Variants in SLC9A9 observed in about 807,000 individuals in gnomAD.
The protein encoded by SLC9A9 is sodium/hydrogen exchanger 9.
A neutral mutation model predicts 77.8 loss-of-function variants in SLC9A9; 62 were observed. That is an observed-to-expected ratio of 0.80 (90% CI 0.65 to 0.98). SLC9A9 has a LOEUF of 0.98. Ranked by LOEUF, SLC9A9 falls within the 50% of genes least tolerant of loss-of-function variation. SLC9A9 has a pLI of 0.00. For synonymous variants in SLC9A9, 320 were observed against 283.5 expected, an observed-to-expected ratio of 1.13 and a Z score of -1.29; for missense variants, 775 against 774.9, an observed-to-expected ratio of 1.00 and a Z score of 0.00.
rs1937727349 is a variant in SLC9A9 at position 143,266,600 on chromosome 3, A to G, written c.*102T>C. 1.7e-6 allele frequency: 2 copies of G among 1,162,386 alleles called. No homozygotes were observed. The highest frequency in any genetic ancestry group is 3.9e-5 in the Admixed American group (2 of 51,760). 72.0% of individuals were successfully genotyped at this position (1,162,386 alleles called of 1,614,324 possible). On this transcript the variant is annotated 3_prime_UTR_variant, in exon 16 of 16. Coordinates refer to ENST00000316549, the MANE Select transcript of SLC9A9 (RefSeq NM_173653.4). ...TGATTCTCTCCAATTTATGCTCTTA[A>G]TATGTTTTCCAGCCTCTCCCCTGTA...
intron 12 of SLC9A9, among the ~76,000 whole-genome samples, chr3:143,466,165 G>T (rs531387285): frequency 6.6e-6 from 1 of 152,274 alleles, no homozygotes; most frequent in Non-Finnish European, 1.5e-5. Context: ...CTAGTCAGAT[G>T]GATCTTTACG....
At chr3:143,509,206 G>C (rs981609393) in intron 9 of SLC9A9, among the ~76,000 whole-genome samples, 1 of 152,060 alleles carries the variant, frequency 6.6e-6, no homozygotes, top group Non-Finnish European at 1.5e-5. Context: ...CAATGAAAAT[G>C]AAAGACAAAA....
intron 14 of SLC9A9, among the ~76,000 whole-genome samples, chr3:143,287,409 C>A (rs1007284290): frequency 6.6e-6 from 1 of 152,016 alleles, no homozygotes; most frequent in African/African-American, 2.4e-5. Context: ...AAAAAAACAA[C>A]AACCAAATTC....
chr3:143,567,304 G>T (rs548652669), intron 8 of SLC9A9, among the ~76,000 whole-genome samples: 3 of 152,130 alleles, frequency 2.0e-5, no homozygotes, highest in African/African-American at 7.2e-5. Context: ...AGATCCAGAA[G>T]CCAGAGACAC....
intron 14 of SLC9A9, among the ~76,000 whole-genome samples, chr3:143,298,535 T>C (rs1334736184): frequency 1.3e-5 from 2 of 152,242 alleles, no homozygotes; most frequent in Non-Finnish European, 1.5e-5. Flanking sequence ...GGCTGCTCAG[T>C]AGGGCATTGG....
chr3:143,688,273 A>G lies in SLC9A9; in HGVS notation c.649+4919T>C, dbSNP rs546627788. Among the ~76,000 whole-genome samples the G allele has an allele frequency of 2.6e-5, 4 of 151,578 alleles. No individual in the cohort carries two copies. The South Asian group carries it at 8.4e-4, about 32-fold the overall frequency. On this transcript the variant is annotated intron_variant, in intron 5 of 15. Coordinates refer to ENST00000316549, the MANE Select transcript of SLC9A9 (RefSeq NM_173653.4). ...GTCTGGATTTTTTTTTTCCATTTTA[A>G]TTGGTTTTCCTGTGTTATCTAAACA...
chr3:143,779,145 C>G (rs1264926186), intron 4 of SLC9A9, among the ~76,000 whole-genome samples: 1 of 152,100 alleles, frequency 6.6e-6, no homozygotes, highest in Non-Finnish European at 1.5e-5. Context: ...ATATATTATA[C>G]TGTTATTATT....
At chr3:143,694,831 C>T (rs556337192) in intron 4 of SLC9A9, among the ~76,000 whole-genome samples, 4 of 152,276 alleles carry the variant, frequency 2.6e-5, no homozygotes, top group African/African-American at 9.6e-5. Flanking sequence ...GTCCAAAAGA[C>T]AGCAATGAAG....
At chr3:143,410,821 A>G (rs1002264043) in intron 12 of SLC9A9, among the ~76,000 whole-genome samples, 5 of 152,104 alleles carry the variant, frequency 3.3e-5, no homozygotes, top group African/African-American at 1.2e-4. Flanking sequence ...TGTCCTATAC[A>G]CTTTGGTATG....
chr3:143,688,065 C>T (rs934321949), intron 5 of SLC9A9, among the ~76,000 whole-genome samples: 6 of 151,120 alleles, frequency 4.0e-5, no homozygotes, highest in Non-Finnish European at 8.9e-5. Context: ...TTCTTCCCTC[C>T]CTCCCTTCTT....
chr3:143,559,762 T>C (rs1400229496), intron 8 of SLC9A9, among the ~76,000 whole-genome samples: 1 of 152,224 alleles, frequency 6.6e-6, no homozygotes, highest in Non-Finnish European at 1.5e-5. Flanking sequence ...ACTTAGTTTT[T>C]TCAAATAAGC....
At chr3:143,652,127 T>A (rs1358379316) in intron 6 of SLC9A9, 128 bp downstream of exon 6, 2 of 762,240 alleles carry the variant, frequency 2.6e-6, no homozygotes, top group Non-Finnish European at 4.5e-6. Flanking sequence ...ATTATGGAAA[T>A]TTTCTGTGAT....
chr3:143,428,783 A>T (rs1034324691), intron 12 of SLC9A9, among the ~76,000 whole-genome samples: 1 of 152,224 alleles, frequency 6.6e-6, no homozygotes, highest in Non-Finnish European at 1.5e-5. Context: ...ATTAGTGGCA[A>T]CACAGATGAA....
chr3:143,626,918 G>C (rs2038340097), intron 6 of SLC9A9: 1 of 151,100 alleles, frequency 6.6e-6, no homozygotes, highest in Admixed American at 6.6e-5. Context: ...CTGTCACCAG[G>C]CTGGAGTGCA....
At chr3:143,358,833 G>C (rs774227053) in intron 14 of SLC9A9, among the ~76,000 whole-genome samples, 25 of 152,218 alleles carry the variant, frequency 1.6e-4, no homozygotes, top group Non-Finnish European at 3.2e-4. Context: ...TGATTGGTGA[G>C]ATAAGACATA....
At chr3:143,301,556 T>A (rs2030515288) in intron 14 of SLC9A9, among the ~76,000 whole-genome samples, 1 of 152,118 alleles carries the variant, frequency 6.6e-6, no homozygotes, top group Non-Finnish European at 1.5e-5. Flanking sequence ...TAGCTGGGTG[T>A]TAGGGCCATC....
At chr3:143,697,044 A>G (rs1933661039) in intron 4 of SLC9A9, among the ~76,000 whole-genome samples, 2 of 151,924 alleles carry the variant, frequency 1.3e-5, no homozygotes, top group Non-Finnish European at 2.9e-5. Context: ...CAAGAATGAA[A>G]AATTCAAAGC....
chr3:143,710,432 T>C (rs1200267773), intron 4 of SLC9A9, among the ~76,000 whole-genome samples: 4 of 152,186 alleles, frequency 2.6e-5, no homozygotes, highest in Admixed American at 6.5e-5. Context: ...ACAGGCCAAG[T>C]AACCAGCACA....
chr3:143,296,208 A>C (rs1161525738), intron 14 of SLC9A9, among the ~76,000 whole-genome samples: 1 of 152,214 alleles, frequency 6.6e-6, no homozygotes, highest in Non-Finnish European at 1.5e-5. Context: ...ATGCCAATTA[A>C]ATAGCAACTT....
Sources: allele counts gnomAD v4.1 joint callset (sites outside exome capture counted in the v4.1 genomes callset), GRCh38; gene constraint gnomAD v4.1.1; transcripts MANE v1.5; gene names NCBI Gene and HGNC (gene_info 2026-07-23, HGNC 2026-07-21).